The following XKR9 variants were observed in gnomAD, a reference collection of about 807,000 sequenced individuals.
XKR9 encodes XK related 9, also known as XK-related protein 9.
In XKR9, 32 loss-of-function variants were observed where a neutral mutation model predicts 32.0. That is an observed-to-expected ratio of 1.00 (90% CI 0.76 to 1.34). XKR9 has a LOEUF of 1.34. Among genes scored for constraint, XKR9 ranks in the 40% most tolerant of loss-of-function variants. The pLI, the probability that XKR9 is intolerant of heterozygous loss-of-function variation, is 0.00. For synonymous variants in XKR9, 168 were observed against 143.4 expected (o/e 1.17, Z -1.22); for missense variants, 546 against 429.7 (o/e 1.27, Z -2.39).
chr8:71,044,986 T>C, the XKR9 span, among the ~76,000 whole-genome samples: 5 of 152,258 alleles, frequency 3.3e-5, no homozygotes, highest in African/African-American at 1.2e-4. Flanking sequence ...GAGACAAAGG[T>C]CTTAGTATTA....
chr8:70,975,318 T>C, the XKR9 span, among the ~76,000 whole-genome samples: 7 of 152,366 alleles, frequency 4.6e-5, no homozygotes, highest in African/African-American at 1.7e-4. Context: ...TCCTTGCCCA[T>C]GCCTATGTCC....
intron 3 of XKR9, among the ~76,000 whole-genome samples, chr8:70,699,107 C>G (rs1325658744): frequency 6.6e-6 from 1 of 152,142 alleles, no homozygotes; most frequent in African/African-American, 2.4e-5. Context: ...TTCCTGAATA[C>G]AACACACTGA....
chr8:70,733,731 G>C, intron 4 of XKR9, 65 bp from the exon 5 acceptor site: 7 of 1,370,824 alleles, frequency 5.1e-6, no homozygotes, highest in Non-Finnish European at 6.7e-6. Flanking sequence ...GCATGTATGG[G>C]ATATAGTAAT....
At chr8:70,892,915 A>G in the XKR9 span, among the ~76,000 whole-genome samples, 158 of 152,284 alleles carry the variant, frequency 1.0e-3, 1 homozygote, top group Middle Eastern at 6.8e-3. Flanking sequence ...ATATCATGTC[A>G]TTAAATAGGA....
chr8:70,991,937 T>C, the XKR9 span, among the ~76,000 whole-genome samples: 84,827 of 152,050 alleles, frequency 0.56, 24,642 homozygotes, highest in Middle Eastern at 0.62. Flanking sequence ...CCTACATCCA[T>C]CCCAACCCCA....
intron 4 of XKR9, among the ~76,000 whole-genome samples, chr8:70,731,287 A>G (rs1403944615): frequency 6.6e-6 from 1 of 152,054 alleles, no homozygotes; most frequent in East Asian, 1.9e-4. Context: ...GAGAGAGAGA[A>G]AGAGACCAGA....
the XKR9 span, among the ~76,000 whole-genome samples, chr8:70,855,022 T>C: frequency 6.6e-6 from 1 of 152,260 alleles, no homozygotes; most frequent in East Asian, 1.9e-4. Context: ...TTTGGTTCCA[T>C]ATGAACTTTA....
chr8:70,979,591 A>G, the XKR9 span, among the ~76,000 whole-genome samples: 2 of 152,204 alleles, frequency 1.3e-5, no homozygotes, highest in African/African-American at 2.4e-5. Context: ...CAAATATTGC[A>G]GAACAGCAAA....
chr8:70,876,188 G>A, the XKR9 span, among the ~76,000 whole-genome samples: 2 of 150,462 alleles, frequency 1.3e-5, no homozygotes, highest in South Asian at 2.1e-4. Flanking sequence ...AACCTCAGAA[G>A]GTTTGCTTTT....
chr8:71,019,087 A>G, the XKR9 span, among the ~76,000 whole-genome samples: 1 of 151,952 alleles, frequency 6.6e-6, no homozygotes, highest in Non-Finnish European at 1.5e-5. Context: ...AAATGAGAGT[A>G]TATTTTTTCT....
At chr8:70,773,651 C>A (rs987999188) in intron 2 of XKR9, among the ~76,000 whole-genome samples, 4 of 152,186 alleles carry the variant, frequency 2.6e-5, no homozygotes, top group Non-Finnish European at 2.9e-5. Context: ...CCATTTCTAA[C>A]TTCCATTTGC....
intron 2 of XKR9, among the ~76,000 whole-genome samples, chr8:70,776,923 T>TTCTTTCTCTC (rs1554556844): frequency 7.9e-4 from 47 of 59,618 alleles, no homozygotes; most frequent in Middle Eastern, 0.021. Context: ...TTCTCTTTCT[T>TTCTTTCTCTC]TCTCTCTCTC....
At chr8:71,065,157 G>A in the XKR9 span, among the ~76,000 whole-genome samples, 7 of 152,208 alleles carry the variant, frequency 4.6e-5, no homozygotes, top group African/African-American at 1.7e-4. Flanking sequence ...AAACATAGGG[G>A]GTGTGATGTG....
At position 70,712,705 on chromosome 8, in the gene XKR9, A is replaced by G. The variant is rs181629077; in HGVS notation, c.493+5552A>G. The stretch of plus-strand genomic sequence containing the variant: ...TTACAACTGTTGGCTAGTCCAAAAA[A>G]CAAACAAAATAACTCCCCCTGCAAA... On this transcript the variant is annotated intron_variant, in intron 4 of 4. Transcript: ENST00000408926. Among the ~76,000 whole-genome samples, 339 of 152,268 alleles carry G rather than the reference A, an allele frequency of 2.2e-3. 1 individual carries two copies. The highest frequency in any genetic ancestry group is 7.8e-3 in the African/African-American group (325 of 41,556).
At chr8:70,761,037 A>G (rs1807301904) in intron 2 of XKR9, among the ~76,000 whole-genome samples, 1 of 152,216 alleles carries the variant, frequency 6.6e-6, no homozygotes, top group African/African-American at 2.4e-5. Flanking sequence ...CGCAAAAGAC[A>G]TGATCTTATT....
chr8:70,974,869 A>T, the XKR9 span, among the ~76,000 whole-genome samples: 1 of 152,160 alleles, frequency 6.6e-6, no homozygotes, highest in Non-Finnish European at 1.5e-5. Context: ...GTGTAAAAGC[A>T]TTCCTTTTCT....
chr8:70,715,014 AG>A (rs1806043176), intron 4 of XKR9, among the ~76,000 whole-genome samples: 1 of 152,182 alleles, frequency 6.6e-6, no homozygotes, highest in South Asian at 2.1e-4. Flanking sequence ...TGTTAGAAGC[AG>A]GTAGGAAAGT....
At chr8:70,899,164 A>T in the XKR9 span, among the ~76,000 whole-genome samples, 1 of 152,124 alleles carries the variant, frequency 6.6e-6, no homozygotes, top group African/African-American at 2.4e-5. Context: ...TTCCAAGATT[A>T]AAAAAATTTG....
At chr8:70,695,950 G>A (rs1316756576) in intron 3 of XKR9, among the ~76,000 whole-genome samples, 1 of 151,690 alleles carries the variant, frequency 6.6e-6, no homozygotes, top group Non-Finnish European at 1.5e-5. Flanking sequence ...ATTTTTTCAT[G>A]TGTTTTTTGG....
Sources: gnomAD v4.1 joint callset for allele counts (sites outside exome capture counted in the v4.1 genomes callset) on GRCh38, gnomAD v4.1.1 for gene constraint, MANE v1.5 for transcripts, NCBI Gene and HGNC (gene_info 2026-07-23, HGNC 2026-07-21) for gene names.